PAG1: variants seen among roughly 807,000 people sequenced by gnomAD.
PAG1 encodes phosphoprotein associated with glycosphingolipid-enriched microdomains 1.
Under a neutral mutation model 31.7 loss-of-function variants are expected in PAG1, and 23 were observed. The ratio of observed to expected loss-of-function variants is 0.73; its 90% CI spans 0.52 to 1.03. The LOEUF (loss-of-function observed/expected upper bound fraction) is 1.03. Ranked by LOEUF, PAG1 falls within the 50% of genes least tolerant of loss-of-function variation. PAG1 has a pLI of 0.00. For synonymous variants in PAG1, 214 were observed against 210.3 expected (o/e 1.02, Z -0.15); for missense variants, 473 against 540.7 (o/e 0.87, Z 1.24).
chr8:81,009,625 C>CT (rs113017500), intron 3 of PAG1, among the ~76,000 whole-genome samples: 6 of 151,576 alleles, frequency 4.0e-5, no homozygotes, highest in Non-Finnish European at 7.4e-5. Flanking sequence ...CCATTGCCAA[C>CT]TTTTTTTTTA....
At chr8:81,074,903 G>C (rs1809152802) in intron 1 of PAG1, among the ~76,000 whole-genome samples, 1 of 152,080 alleles carries the variant, frequency 6.6e-6, no homozygotes, top group Admixed American at 6.6e-5. Flanking sequence ...TGGTTTCTTG[G>C]GTTTCTATCC....
At chr8:81,105,173 T>C (rs1301093058) in intron 1 of PAG1, among the ~76,000 whole-genome samples, 1 of 152,128 alleles carries the variant, frequency 6.6e-6, no homozygotes, top group Admixed American at 6.5e-5. Context: ...CAGGCACCCC[T>C]GACGGAGCCA....
At chr8:81,091,644 A>T (rs1809447787) in intron 1 of PAG1, among the ~76,000 whole-genome samples, 1 of 152,174 alleles carries the variant, frequency 6.6e-6, no homozygotes, top group Non-Finnish European at 1.5e-5. Flanking sequence ...ACGGTTTTAT[A>T]TGTGATCCAT....
intron 2 of PAG1, among the ~76,000 whole-genome samples, chr8:81,042,324 G>A (rs13267564): frequency 0.071 from 10,752 of 152,152 alleles, 750 homozygotes; most frequent in African/African-American, 0.18. Flanking sequence ...GCTCAAACGA[G>A]ATAATGCTGT....
chr8:81,094,699 G>A (rs1809498961), intron 1 of PAG1, among the ~76,000 whole-genome samples: 1 of 152,118 alleles, frequency 6.6e-6, no homozygotes, highest in South Asian at 2.1e-4. Flanking sequence ...AAAGAGAAAA[G>A]CTAGCAAAAA....
At chr8:81,074,959 A>G (rs923006027) in intron 1 of PAG1, among the ~76,000 whole-genome samples, 1 of 152,136 alleles carries the variant, frequency 6.6e-6, no homozygotes, top group African/African-American at 2.4e-5. Flanking sequence ...GTCTTATGAT[A>G]TGGTTAGCAG....
chr8:81,011,371 T>C (rs1807980824), intron 3 of PAG1, among the ~76,000 whole-genome samples: 1 of 152,220 alleles, frequency 6.6e-6, no homozygotes. Context: ...CTGATGGTTT[T>C]ATAAGGGGAA....
intron 3 of PAG1, among the ~76,000 whole-genome samples, chr8:80,993,704 T>C (rs1807609262): frequency 6.7e-6 from 1 of 150,342 alleles, no homozygotes; most frequent in African/African-American, 2.4e-5. Context: ...GCTCAAGCAA[T>C]CCTCTCCTGA....
At chr8:80,994,270 C>T (rs968285889) in intron 3 of PAG1, among the ~76,000 whole-genome samples, 2 of 152,196 alleles carry the variant, frequency 1.3e-5, no homozygotes, top group African/African-American at 4.8e-5. Flanking sequence ...AGTATGTTTA[C>T]ACTACCCTGC....
At chr8:81,000,606 A>C (rs1807767904) in intron 3 of PAG1, among the ~76,000 whole-genome samples, 1 of 151,918 alleles carries the variant, frequency 6.6e-6, no homozygotes, top group Non-Finnish European at 1.5e-5. Context: ...ACGCCTGGTA[A>C]TTTTTTTGTA....
chr8:81,019,692 G>C (rs1189608243), intron 3 of PAG1, among the ~76,000 whole-genome samples: 8 of 152,364 alleles, frequency 5.3e-5, no homozygotes, highest in African/African-American at 1.9e-4. Context: ...TGCTGCAGGA[G>C]TGGCAAGCTG....
At chr8:81,046,922 C>T (rs993432588) in intron 2 of PAG1, among the ~76,000 whole-genome samples, 4 of 152,156 alleles carry the variant, frequency 2.6e-5, no homozygotes, top group Non-Finnish European at 4.4e-5. Context: ...TCAGCTCACA[C>T]TTATAAATGA....
chr8:81,039,619 G>A (rs1025794597), intron 2 of PAG1: 7 of 152,114 alleles, frequency 4.6e-5, no homozygotes, highest in African/African-American at 1.4e-4. Context: ...TAGAATACAG[G>A]GTCAGTGCAT....
chr8:81,104,134 C>T (rs1356286128), intron 1 of PAG1, among the ~76,000 whole-genome samples: 1 of 152,152 alleles, frequency 6.6e-6, no homozygotes, highest in African/African-American at 2.4e-5. Flanking sequence ...TTGACCAGAA[C>T]CGGAAACTCT....
chr8:81,007,649 A>AG (rs1277960845), intron 3 of PAG1, among the ~76,000 whole-genome samples: 2 of 150,648 alleles, frequency 1.3e-5, no homozygotes, highest in African/African-American at 4.8e-5. Context: ...AAAAAAAAAA[A>AG]AAAAAAAAAA....
intron 2 of PAG1, among the ~76,000 whole-genome samples, chr8:81,064,140 G>A (rs1403125456): frequency 6.6e-6 from 1 of 152,216 alleles, no homozygotes; most frequent in Non-Finnish European, 1.5e-5. Context: ...GACCTCTAAA[G>A]CAGTGGTCCC....
intron 3 of PAG1, among the ~76,000 whole-genome samples, chr8:81,012,843 C>G (rs1808007902): frequency 6.6e-6 from 1 of 152,202 alleles, no homozygotes; most frequent in Admixed American, 6.5e-5. Flanking sequence ...TGGGCACTAG[C>G]TAGAAAGTCT....
intron 3 of PAG1, among the ~76,000 whole-genome samples, chr8:81,026,951 T>C (rs936291431): frequency 6.6e-6 from 1 of 152,194 alleles, no homozygotes. Context: ...TATTCAAGCC[T>C]TGGTGGTTTT....
intron 1 of PAG1, among the ~76,000 whole-genome samples, chr8:81,071,673 T>C (rs1809095086): frequency 6.6e-6 from 1 of 152,210 alleles, no homozygotes; most frequent in Admixed American, 6.5e-5. Context: ...GATAAATCTC[T>C]GTGCTATATA....
Sources: gnomAD v4.1 joint callset for allele counts (sites outside exome capture counted in the v4.1 genomes callset) on GRCh38, gnomAD v4.1.1 for gene constraint, MANE v1.5 for transcripts, NCBI Gene and HGNC (gene_info 2026-07-23, HGNC 2026-07-21) for gene names.